The following RBFOX1 variants were observed in gnomAD, a reference collection of about 807,000 sequenced individuals.
The protein encoded by RBFOX1 is RNA binding fox-1 homolog 1, also known as RNA binding protein fox-1 homolog 1.
RBFOX1 carries 8 observed loss-of-function variants against 57.7 expected under a neutral mutation model. The observed-to-expected ratio is 0.14, with a 90% CI of 0.08 to 0.25. The LOEUF (loss-of-function observed/expected upper bound fraction) is 0.25. RBFOX1 is among the 10% of genes least tolerant of loss of function. The pLI is 1.00. For synonymous variants in RBFOX1, 326 were observed against 222.4 expected (o/e 1.47, Z -4.15); for missense variants, 611 against 548.5 (o/e 1.11, Z -1.14).
chr16:5,289,940 A>T (rs1031753965), intron 1 of RBFOX1, among the ~76,000 whole-genome samples: 1 of 152,276 alleles, frequency 6.6e-6, no homozygotes, highest in Non-Finnish European at 1.5e-5. Flanking sequence ...TAGCAGCGTT[A>T]TTCATAATAG....
Position 7,325,577 on chromosome 16 carries a change from G to T in RBFOX1, c.28-192570G>T, listed in dbSNP as rs190211903. ...ACTGAAAGCAGTCTCTAAGTGGGGA[G>T]ATGTGACTTCTCTTCTCCGGGTGTC... On this transcript the variant is annotated intron_variant, in intron 4 of 15. Transcript: ENST00000550418. Among the ~76,000 whole-genome samples the T allele has an allele frequency of 2.0e-4, 30 of 152,326 alleles. No individual in the cohort carries two copies. In the East Asian group the frequency reaches 5.6e-3, roughly 28 times the overall value.
intron 1 of RBFOX1, among the ~76,000 whole-genome samples, chr16:6,312,800 G>C (rs2080532759): frequency 6.6e-6 from 1 of 150,412 alleles, no homozygotes; most frequent in Non-Finnish European, 1.5e-5. Context: ...TTCTTCCTTG[G>C]GTAAATATTT....
At chr16:7,379,032 T>C (rs1055042178) in intron 4 of RBFOX1, among the ~76,000 whole-genome samples, 1 of 152,256 alleles carries the variant, frequency 6.6e-6, no homozygotes, top group African/African-American at 2.4e-5. Flanking sequence ...ACTTTATCTA[T>C]GACCTGGCAA....
At chr16:6,567,131 GC>G (rs2097277779) in intron 2 of RBFOX1, among the ~76,000 whole-genome samples, 1 of 152,106 alleles carries the variant, frequency 6.6e-6, no homozygotes, top group Non-Finnish European at 1.5e-5. Flanking sequence ...TCTCTGCATC[GC>G]CTTTGGTTTG....
chr16:5,853,255 G>A (rs780158288), intron 3 of RBFOX1, among the ~76,000 whole-genome samples: 7 of 152,064 alleles, frequency 4.6e-5, no homozygotes, highest in Admixed American at 4.6e-4. Context: ...AACAGCTCCC[G>A]GGTCTTCCAG....
At chr16:6,705,293 T>C (rs991613659) in intron 3 of RBFOX1, 1 of 151,158 alleles carries the variant, frequency 6.6e-6, no homozygotes, top group Admixed American at 6.6e-5. Flanking sequence ...TTCTCACTGT[T>C]TGAGTGGGAG....
intron 1 of RBFOX1, among the ~76,000 whole-genome samples, chr16:6,040,981 C>G (rs2095430223): frequency 6.6e-6 from 1 of 152,086 alleles, no homozygotes; most frequent in Admixed American, 6.6e-5. Context: ...TGTTGGGTTG[C>G]TTCCGTGTTT....
intron 3 of RBFOX1, among the ~76,000 whole-genome samples, chr16:7,002,840 G>C (rs1377192958): frequency 6.6e-6 from 1 of 152,194 alleles, no homozygotes; most frequent in South Asian, 2.1e-4. Context: ...AAATTAGGCT[G>C]ATAGGAGTTT....
intron 3 of RBFOX1, among the ~76,000 whole-genome samples, chr16:5,831,338 C>T (rs1288036131): frequency 6.6e-6 from 1 of 152,118 alleles, no homozygotes; most frequent in Non-Finnish European, 1.5e-5. Context: ...TATCTTGCTC[C>T]TGCTCTGGCC....
intron 3 of RBFOX1, among the ~76,000 whole-genome samples, chr16:7,030,827 C>T (rs58069096): frequency 0.016 from 2,448 of 152,242 alleles, 71 homozygotes; most frequent in African/African-American, 0.056. Context: ...TGACTTCATC[C>T]GTGTCTGACT....
chr16:6,921,888 G>C (rs888710018), intron 3 of RBFOX1, among the ~76,000 whole-genome samples: 2 of 152,202 alleles, frequency 1.3e-5, no homozygotes, highest in Non-Finnish European at 2.9e-5. Context: ...AAGAGGAGGA[G>C]ATTATGCAAG....
intron 4 of RBFOX1, among the ~76,000 whole-genome samples, chr16:7,234,940 CTTTT>C (rs2093695189): frequency 6.6e-6 from 1 of 151,978 alleles, no homozygotes; most frequent in Non-Finnish European, 1.5e-5. Flanking sequence ...TGTAGACTTG[CTTTT>C]ATGCCTGTAG....
intron 4 of RBFOX1, among the ~76,000 whole-genome samples, chr16:7,450,329 G>A (rs992473519): frequency 1.4e-5 from 2 of 141,434 alleles, no homozygotes; most frequent in African/African-American, 2.7e-5. Context: ...GGGAGTCGGA[G>A]GTTGCAGTGA....
At chr16:6,781,911 C>A (rs1413036761) in intron 3 of RBFOX1, among the ~76,000 whole-genome samples, 2 of 152,180 alleles carry the variant, frequency 1.3e-5, no homozygotes, top group Non-Finnish European at 2.9e-5. Context: ...CTGCTCTGAT[C>A]TTTAGTGTTT....
At chr16:5,548,982 A>G (rs1288454701) in intron 2 of RBFOX1, among the ~76,000 whole-genome samples, 1 of 152,208 alleles carries the variant, frequency 6.6e-6, no homozygotes, top group Non-Finnish European at 1.5e-5. Flanking sequence ...TAATGAAGAT[A>G]AGGTGATTTT....
At chr16:5,395,876 A>G (rs1011376459) in intron 1 of RBFOX1, among the ~76,000 whole-genome samples, 2 of 152,244 alleles carry the variant, frequency 1.3e-5, no homozygotes, top group Non-Finnish European at 1.5e-5. Context: ...GGTGGTCTCC[A>G]GAAAGAAACT....
At chr16:7,271,395 T>C (rs188539145) in intron 4 of RBFOX1, among the ~76,000 whole-genome samples, 5 of 152,262 alleles carry the variant, frequency 3.3e-5, no homozygotes, top group Admixed American at 3.3e-4. Flanking sequence ...GTAGTGATTT[T>C]TTTCTACATC....
At chr16:7,200,001 A>G (rs2087901215) in intron 4 of RBFOX1, among the ~76,000 whole-genome samples, 1 of 152,256 alleles carries the variant, frequency 6.6e-6, no homozygotes, top group Non-Finnish European at 1.5e-5. Context: ...GAATGTGCTC[A>G]GAATGTGGAT....
intron 1 of RBFOX1, among the ~76,000 whole-genome samples, chr16:6,042,899 C>G (rs61708194): frequency 1.3e-5 from 2 of 151,920 alleles, no homozygotes. Context: ...TAAGCTTTAT[C>G]TAAAGACTTG....
Sources: gnomAD v4.1 joint callset for allele counts (sites outside exome capture counted in the v4.1 genomes callset) on GRCh38, gnomAD v4.1.1 for gene constraint, MANE v1.5 for transcripts, NCBI Gene and HGNC (gene_info 2026-07-23, HGNC 2026-07-21) for gene names.